The following AADACL4 variants were observed in gnomAD, a reference collection of about 807,000 sequenced individuals.
The protein encoded by AADACL4 is arylacetamide deacetylase like 4.
A neutral mutation model predicts 14.1 loss-of-function variants in AADACL4; 9 were observed. The observed-to-expected ratio is 0.64, with a 90% CI of 0.39 to 1.12. AADACL4 has a LOEUF of 1.12. AADACL4 is among the 50% of genes most tolerant of loss of function. The pLI, the probability that AADACL4 is intolerant of heterozygous loss-of-function variation, is 0.01. For missense variants in AADACL4, 531 were observed against 516.1 expected (o/e 1.03, Z -0.28); for synonymous variants, 188 against 201.6 (o/e 0.93, Z 0.57).
At chr1:12,660,769 G>C (rs1276438599) in intron 2 of AADACL4, among the ~76,000 whole-genome samples, 1 of 151,924 alleles carries the variant, frequency 6.6e-6, no homozygotes, top group Non-Finnish European at 1.5e-5. Context: ...TCAGCCTCCT[G>C]AGTAGCTGGG....
chr1:12,659,178 C>G (rs758812460), intron 2 of AADACL4, among the ~76,000 whole-genome samples: 1 of 152,064 alleles, frequency 6.6e-6, no homozygotes, highest in Non-Finnish European at 1.5e-5. Flanking sequence ...GTGGGAGTGA[C>G]GAAGGACAGT....
rs550494435 is a variant in AADACL4, at chr1:12,659,150, A to G, written c.386-2641A>G. 9.3e-4 allele frequency among the ~76,000 whole-genome samples: 141 copies of G among 152,272 alleles called. 1 individual carries two copies. Among genetic ancestry groups the G allele is most frequent in the African/African-American group, 3.3e-3 (138 of 41,556 alleles). On this transcript the variant is annotated intron_variant, in intron 2 of 3. Transcript: ENST00000376221. ...GGTACATAACTTCCCCGAGATTAGG[A>G]TGTACTGCCACCTGGTGGTGGGAGT...
chr1:12,660,269 A>G (rs1371220163), intron 2 of AADACL4, among the ~76,000 whole-genome samples: 1 of 152,134 alleles, frequency 6.6e-6, no homozygotes, highest in African/African-American at 2.4e-5. Flanking sequence ...AAATTTTGAT[A>G]TTTTGTTCAA....
chr1:12,650,532 CTTTT>C (rs112974569), intron 1 of AADACL4, among the ~76,000 whole-genome samples: 1 of 139,972 alleles, frequency 7.1e-6, no homozygotes. Context: ...ACTGGCTTTT[CTTTT>C]TTTTTTTTTT....
In AADACL4 at chr1:12,660,064, C is replaced by G. The variant is rs562290919; in HGVS notation, c.386-1727C>G. On this transcript the variant is annotated intron_variant, in intron 2 of 3. Transcript: ENST00000376221. The stretch of plus-strand genomic sequence containing the variant: ...AACTACTGGGGTCAAGTGATCCCCC[C>G]ACCTTGGCCTTCCAAAGTGTTGGGG... 3.3e-5 allele frequency among the ~76,000 whole-genome samples: 5 copies of G among 152,332 alleles called. 1 individual carries two copies. The highest frequency in any genetic ancestry group is 1.3e-4 in the Admixed American group (2 of 15,300).
At chr1:12,661,284 A>G (rs139022334) in intron 2 of AADACL4, among the ~76,000 whole-genome samples, 231 of 152,272 alleles carry the variant, frequency 1.5e-3, no homozygotes, top group African/African-American at 5.3e-3. Context: ...GTTGAGAATG[A>G]CTGCATTAGA....
rs1379766619 is a variant in AADACL4 at position 12,644,533 on chromosome 1, A to G, written c.-14A>G. On this transcript the variant is annotated 5_prime_UTR_variant, in exon 1 of 4. Transcript: ENST00000376221. ...AAGCTCCTCAGGGCAGCAGCTCCTC[A>G]AGGCCCCAGGAACATGGCTGTCCCC... 1 of 1,612,862 alleles carries G rather than the reference A, an allele frequency of 6.2e-7. No individual in the cohort carries two copies. Among genetic ancestry groups the G allele is most frequent in the East Asian group, 2.2e-5 (1 of 44,850 alleles).
At chr1:12,656,130 C>A (rs916800126) in intron 2 of AADACL4, among the ~76,000 whole-genome samples, 1 of 152,182 alleles carries the variant, frequency 6.6e-6, no homozygotes, top group Admixed American at 6.5e-5. Context: ...GAAAGTTACC[C>A]ATGGCCTTGG....
intron 2 of AADACL4, among the ~76,000 whole-genome samples, chr1:12,657,082 G>T (rs1647181987): frequency 6.8e-6 from 1 of 146,488 alleles, no homozygotes; most frequent in Admixed American, 6.9e-5. Context: ...GGCAGAGGTT[G>T]CAGTGAGCTG....
At chr1:12,645,104 CCTT>C (rs1173347644) in intron 1 of AADACL4, among the ~76,000 whole-genome samples, 6 of 130,478 alleles carry the variant, frequency 4.6e-5, no homozygotes, top group East Asian at 5.3e-4. Flanking sequence ...CTTCCTTTTT[CCTT>C]CTTTCTTTCT....
chr1:12,657,442 G>T (rs1435024729), intron 2 of AADACL4, among the ~76,000 whole-genome samples: 1 of 152,180 alleles, frequency 6.6e-6, no homozygotes, highest in Non-Finnish European at 1.5e-5. Flanking sequence ...CTGCTGGTCT[G>T]GGGGAGGTCC....
At position 12,666,250 on chromosome 1, in the gene AADACL4, A is replaced by G. The variant is rs374331895; in HGVS notation, c.739A>G (p.Lys247Glu). 7 of 1,614,090 alleles carry G rather than the reference A, an allele frequency of 4.3e-6. No homozygotes were observed. The African/African-American group carries it at 9.3e-5, about 22-fold the overall frequency. ...CCAAAATGTCCCATTACTTTCCCGG[A>G]AGTTCATGGTGACTTCTCTGTGTAA... The part of the protein sequence containing the change: ...QNQNVPLLSR[K>E]FMVTSLCNYL... Residue 247 changes from lysine to glutamate, a missense_variant, in exon 4 of 4, where the codon AAG becomes GAG. By Grantham distance (56) the Lys-to-Glu change is moderately conservative. Transcript: ENST00000376221.
At chr1:12,647,210 C>A (rs1343257462) in intron 1 of AADACL4, among the ~76,000 whole-genome samples, 1 of 151,866 alleles carries the variant, frequency 6.6e-6, no homozygotes, top group East Asian at 1.9e-4. Context: ...CCTCCCACCT[C>A]AGCCTCCCAT....
At chr1:12,649,725 A>G (rs1047934156) in intron 1 of AADACL4, among the ~76,000 whole-genome samples, 7 of 152,190 alleles carry the variant, frequency 4.6e-5, no homozygotes, top group South Asian at 4.1e-4. Context: ...AGGTGATCAC[A>G]TCCCATCCTC....
intron 2 of AADACL4, among the ~76,000 whole-genome samples, chr1:12,658,108 T>TTCCTTCCTTCCTTCCTTCCTTCC (rs1647195201): frequency 1.5e-4 from 18 of 122,082 alleles, no homozygotes; most frequent in African/African-American, 6.4e-4. Flanking sequence ...TCTCTCTTTC[T>TTCCTTCCTTCCTTCCTTCCTTCC]TTCCTTCCTT....
intron 1 of AADACL4, among the ~76,000 whole-genome samples, chr1:12,649,025 G>A (rs189076951): frequency 1.5e-4 from 23 of 152,292 alleles, no homozygotes; most frequent in Admixed American, 2.0e-4. Context: ...TTGCTCATGA[G>A]AAGCATTTGG....
intron 1 of AADACL4, among the ~76,000 whole-genome samples, chr1:12,645,239 C>T (rs1371115069): frequency 2.2e-5 from 3 of 134,908 alleles, no homozygotes; most frequent in Non-Finnish European, 3.2e-5. Context: ...TCCTTTCTTC[C>T]TTCCCTCCTC....
chr1:12,660,737 G>A (rs540165195), intron 2 of AADACL4, among the ~76,000 whole-genome samples: 5 of 152,020 alleles, frequency 3.3e-5, no homozygotes, highest in South Asian at 4.2e-4. Context: ...TCCGCCTCCC[G>A]GGTTCAAGCA....
chr1:12,646,218 G>T (rs933668730), intron 1 of AADACL4, among the ~76,000 whole-genome samples: 3 of 152,234 alleles, frequency 2.0e-5, no homozygotes, highest in African/African-American at 7.2e-5. Context: ...ATAAGGAACA[G>T]AGACAGCAGC....
Sources: allele counts gnomAD v4.1 joint callset (sites outside exome capture counted in the v4.1 genomes callset), GRCh38; gene constraint gnomAD v4.1.1; transcripts MANE v1.5; gene names NCBI Gene and HGNC (gene_info 2026-07-23, HGNC 2026-07-21).